The following ARHGAP28 variants were observed in gnomAD, a reference collection of about 807,000 sequenced individuals.
ARHGAP28 encodes the protein rho GTPase-activating protein 28.
ARHGAP28 carries 56 observed loss-of-function variants against 90.7 expected under a neutral mutation model. The ratio of observed to expected loss-of-function variants is 0.62; its 90% confidence interval spans 0.50 to 0.77. ARHGAP28 has a LOEUF of 0.77. Among genes scored for constraint, ARHGAP28 ranks in the 30% least tolerant of loss-of-function variants. The probability of loss-of-function intolerance (pLI) is 0.00; values close to 1 mark genes in which losing one functional copy is unlikely to be tolerated. For synonymous variants in ARHGAP28, 308 were observed against 323.3 expected (o/e 0.95, Z 0.51); for missense variants, 869 against 900.9 (o/e 0.96, Z 0.45).
At chr18:6,833,712 A>C (rs887680056) in intron 2 of ARHGAP28, among the ~76,000 whole-genome samples, 1 of 152,126 alleles carries the variant, frequency 6.6e-6, no homozygotes, top group African/African-American at 2.4e-5. Context: ...TCAATCACTT[A>C]CTTAAGGTGA....
intron 1 of ARHGAP28, among the ~76,000 whole-genome samples, chr18:6,783,479 T>C (rs1000374589): frequency 6.9e-6 from 1 of 144,072 alleles, no homozygotes; most frequent in Admixed American, 6.7e-5. Flanking sequence ...TTTTGTATTT[T>C]TAGTAGAGAC....
intron 1 of ARHGAP28, among the ~76,000 whole-genome samples, chr18:6,737,105 T>C (rs1358638815): frequency 2.0e-5 from 3 of 152,164 alleles, no homozygotes; most frequent in African/African-American, 7.2e-5. Context: ...AGTAAAATGT[T>C]ATATAGCAAA....
In ARHGAP28 at chr18:6,874,285, C is replaced by T. The variant is rs143528940; in HGVS notation, c.1212+510C>T. Among the ~76,000 whole-genome samples the T allele has an allele frequency of 4.1e-3, 622 of 152,264 alleles. 4 individuals carry two copies. Among genetic ancestry groups the T allele is most frequent in the Non-Finnish European group, 6.6e-3 (449 of 68,014 alleles). The stretch of plus-strand genomic sequence containing the variant: ...AAGTTTAATAAAATCTAAAAACCAG[C>T]ATGTTCCAGTCATTTTCCGGTGTGT... On this transcript the variant is annotated intron_variant, in intron 9 of 17. Coordinates refer to ENST00000383472, the MANE Select transcript of ARHGAP28 (RefSeq NM_001366230.1).
intron 1 of ARHGAP28, among the ~76,000 whole-genome samples, chr18:6,816,431 A>G (rs1054100675): frequency 6.6e-6 from 1 of 152,202 alleles, no homozygotes; most frequent in African/African-American, 2.4e-5. Flanking sequence ...GCCAGGGTCT[A>G]TTCCAGAGAG....
At chr18:6,759,011 A>C (rs1001085147) in intron 1 of ARHGAP28, among the ~76,000 whole-genome samples, 4 of 152,224 alleles carry the variant, frequency 2.6e-5, no homozygotes, top group African/African-American at 9.6e-5. Flanking sequence ...ATTAAATTTG[A>C]ATAAAATCCT....
At chr18:6,762,909 T>G (rs2056173059) in intron 1 of ARHGAP28, among the ~76,000 whole-genome samples, 1 of 152,120 alleles carries the variant, frequency 6.6e-6, no homozygotes, top group Admixed American at 6.5e-5. Flanking sequence ...ATACGCACAA[T>G]GAATTCACTT....
chr18:6,741,093 T>A (rs1183723438), intron 1 of ARHGAP28, among the ~76,000 whole-genome samples: 2 of 152,192 alleles, frequency 1.3e-5, no homozygotes, highest in Non-Finnish European at 2.9e-5. Flanking sequence ...CAACCACCCT[T>A]GCACATTATC....
intron 14 of ARHGAP28, among the ~76,000 whole-genome samples, chr18:6,893,992 G>A (rs766672441): frequency 1.3e-5 from 2 of 148,162 alleles, no homozygotes; most frequent in Non-Finnish European, 3.0e-5. Flanking sequence ...TCAGCCTCCC[G>A]AGTAGTTGGG....
chr18:6,783,087 T>C (rs1451198350), intron 1 of ARHGAP28, among the ~76,000 whole-genome samples: 1 of 152,154 alleles, frequency 6.6e-6, no homozygotes, highest in African/African-American at 2.4e-5. Context: ...GCCACTGTGT[T>C]CTTCACTTTC....
Position 6,740,978 on chromosome 18 carries a change from C to T in ARHGAP28, c.122+11035C>T, listed in dbSNP as rs141170578. Among the ~76,000 whole-genome samples, 26 of 152,280 alleles carry T rather than the reference C, an allele frequency of 1.7e-4. No homozygotes were observed. The East Asian group carries it at 4.6e-3, about 27-fold the overall frequency. Reference sequence around the variant, plus strand: ...GCAGGAAGGCCAACAGCAAGGAAAACATGGAAGAGGGGAGAACTGGCTCCC... The same window carrying T: ...GCAGGAAGGCCAACAGCAAGGAAAATATGGAAGAGGGGAGAACTGGCTCCC... On this transcript the variant is annotated intron_variant, in intron 1 of 17. Transcript: ENST00000383472.
At chr18:6,910,997 A>AGCGG (rs2057395441) in intron 17 of ARHGAP28, among the ~76,000 whole-genome samples, 3 of 151,860 alleles carry the variant, frequency 2.0e-5, no homozygotes, top group Non-Finnish European at 4.4e-5. Flanking sequence ...GGCGCCCATC[A>AGCGG]CCACGCCCGG....
chr18:6,858,318 A>G (rs2056970347), intron 4 of ARHGAP28, among the ~76,000 whole-genome samples: 1 of 151,908 alleles, frequency 6.6e-6, no homozygotes, highest in South Asian at 2.1e-4. Flanking sequence ...TTCCCTTCCT[A>G]GAAATTTTAT....
At chr18:6,894,938 C>T (rs778580076) in intron 15 of ARHGAP28, 47 bp downstream of exon 15, 61 of 1,538,346 alleles carry the variant, frequency 4.0e-5, no homozygotes, top group Non-Finnish European at 5.2e-5. Flanking sequence ...CCTATATAGT[C>T]TTCTCTGGCG....
intron 3 of ARHGAP28, among the ~76,000 whole-genome samples, chr18:6,839,589 G>T (rs139634258): frequency 3.3e-5 from 5 of 152,128 alleles, no homozygotes; most frequent in African/African-American, 1.2e-4. Context: ...GAGCCACTGC[G>T]CCCGGCCATA....
chr18:6,780,474 G>A (rs1269311317), intron 1 of ARHGAP28, among the ~76,000 whole-genome samples: 2 of 152,270 alleles, frequency 1.3e-5, no homozygotes, highest in African/African-American at 2.4e-5. Flanking sequence ...GCCATTTTAT[G>A]TAATGGACTT....
Position 6,729,823 on chromosome 18 carries a change from TG to T in ARHGAP28, c.4del (p.Glu2?). On this transcript the variant is annotated frameshift_variant and start_lost, in exon 1 of 18. Coordinates refer to ENST00000383472, the MANE Select transcript of ARHGAP28 (RefSeq NM_001366230.1). LOFTEE classifies it high-confidence loss of function. [M>X]EVEDSGGVVL... is the part of the protein sequence containing the mutation. ...GCGCCGAGACATGCGCGGCTGACGA[TG>T]GAGGTGGAGGACTCGGGCGGCGTGG... The T allele has an allele frequency of 7.1e-7, 1 of 1,415,486 alleles. No individual in the cohort carries two copies. Among genetic ancestry groups the T allele is most frequent in the South Asian group, 1.5e-5 (1 of 67,148 alleles). The allele number at this position is 1,415,486 out of a possible 1,614,324, so 87.7% of individuals were successfully genotyped here.
At chr18:6,878,033 G>A (rs2057146227) in intron 10 of ARHGAP28, among the ~76,000 whole-genome samples, 1 of 152,032 alleles carries the variant, frequency 6.6e-6, no homozygotes, top group African/African-American at 2.4e-5. Flanking sequence ...TGTATAACAT[G>A]CATAATGCAT....
At chr18:6,742,276 C>T (rs566835883) in intron 1 of ARHGAP28, among the ~76,000 whole-genome samples, 2 of 151,240 alleles carry the variant, frequency 1.3e-5, no homozygotes, top group Admixed American at 6.6e-5. Context: ...AAGCAATTCT[C>T]CTACCTCAGC....
chr18:6,874,170 T>C (rs181890310), intron 9 of ARHGAP28, among the ~76,000 whole-genome samples: 11 of 152,374 alleles, frequency 7.2e-5, no homozygotes, highest in Admixed American at 3.9e-4. Context: ...CCAATGCATA[T>C]ATAAATCATA....
Sources: gnomAD v4.1 joint callset for allele counts (sites outside exome capture counted in the v4.1 genomes callset) on GRCh38, gnomAD v4.1.1 for gene constraint, MANE v1.5 for transcripts, NCBI Gene and HGNC (gene_info 2026-07-23, HGNC 2026-07-21) for gene names.